FAM53A: variants seen among roughly 807,000 people sequenced by gnomAD.
The protein encoded by FAM53A is protein FAM53A.
FAM53A carries 28 observed loss-of-function variants against 26.6 expected under a neutral mutation model. The observed-to-expected ratio is 1.05, with a 90% confidence interval of 0.78 to 1.45. The LOEUF (loss-of-function observed/expected upper bound fraction) is 1.45, where lower values mean the gene tolerates loss of function less well. Ranked by LOEUF, FAM53A falls within the 40% of genes most tolerant of loss-of-function variation. The pLI is 0.00. For synonymous variants in FAM53A, 290 were observed against 253.1 expected (o/e 1.15, Z -1.38); for missense variants, 650 against 575.8 (o/e 1.13, Z -1.32).
chr4:1,601,410 C>A, the FAM53A span, among the ~76,000 whole-genome samples: 7,105 of 112,608 alleles, frequency 0.063, 1,992 homozygotes, highest in African/African-American at 0.16. Flanking sequence ...CAGGGCTGAG[C>A]AGTCAGGGCG....
the FAM53A span, among the ~76,000 whole-genome samples, chr4:1,591,646 A>G: frequency 6.6e-6 from 1 of 152,222 alleles, no homozygotes; most frequent in Non-Finnish European, 1.5e-5. Context: ...TTCTGAGCAC[A>G]TGGTCTGGCC....
At chr4:1,667,942 C>A (rs896903905) in intron 2 of FAM53A, among the ~76,000 whole-genome samples, 1 of 152,142 alleles carries the variant, frequency 6.6e-6, no homozygotes, top group Non-Finnish European at 1.5e-5. Flanking sequence ...ATCAAGCTGC[C>A]CGCAGGAAGC....
At chr4:1,612,842 C>T in the FAM53A span, among the ~76,000 whole-genome samples, 170 of 152,346 alleles carry the variant, frequency 1.1e-3, 1 homozygote, top group African/African-American at 3.9e-3. Flanking sequence ...TGATCACACA[C>T]GCATGTATAC....
chr4:1,611,378 C>T, the FAM53A span, among the ~76,000 whole-genome samples: 16 of 152,308 alleles, frequency 1.1e-4, no homozygotes, highest in African/African-American at 3.1e-4. Context: ...TCCTCCTGGC[C>T]TGTCCTGGAG....
exon 2 of FAM53A, chr4:1,617,956 G>A: frequency 2.3e-6 from 1 of 437,740 alleles, no homozygotes; most frequent in Non-Finnish European, 4.7e-6. Flanking sequence ...AGAAGTCGCT[G>A]CGATGGTGCC....
chr4:1,600,623 C>T, the FAM53A span, among the ~76,000 whole-genome samples: 1 of 152,226 alleles, frequency 6.6e-6, no homozygotes. Flanking sequence ...GGCTTGCCTC[C>T]CCTCTGCCCT....
At chr4:1,588,267 C>T in the FAM53A span, among the ~76,000 whole-genome samples, 1 of 152,182 alleles carries the variant, frequency 6.6e-6, no homozygotes, top group Non-Finnish European at 1.5e-5. Context: ...TCCCTCAGAA[C>T]ACTAGTGATG....
chr4:1,643,979 C>T (rs1194696174), intron 4 of FAM53A, among the ~76,000 whole-genome samples: 2 of 152,206 alleles, frequency 1.3e-5, no homozygotes, highest in Non-Finnish European at 2.9e-5. Context: ...ATCACTTGTC[C>T]GTACAAGCCC....
At chr4:1,627,189 G>A (rs1387716774) in intron 1 of FAM53A, among the ~76,000 whole-genome samples, 2 of 152,268 alleles carry the variant, frequency 1.3e-5, no homozygotes, top group Middle Eastern at 6.8e-3. Context: ...GGTCCCCACC[G>A]GCCCCAGCAC....
the FAM53A span, among the ~76,000 whole-genome samples, chr4:1,589,307 CA>C: frequency 6.6e-6 from 1 of 152,082 alleles, no homozygotes; most frequent in Non-Finnish European, 1.5e-5. Flanking sequence ...GATGTTGAAC[CA>C]TCTTTGCATT....
At chr4:1,594,029 G>A in the FAM53A span, among the ~76,000 whole-genome samples, 1 of 152,168 alleles carries the variant, frequency 6.6e-6, no homozygotes, top group Non-Finnish European at 1.5e-5. Flanking sequence ...GCCGCTGGGG[G>A]CAGCTCCCGG....
chr4:1,661,277 C>G (rs1283385302), intron 2 of FAM53A, among the ~76,000 whole-genome samples: 1 of 152,152 alleles, frequency 6.6e-6, no homozygotes, highest in African/African-American at 2.4e-5. Flanking sequence ...CCCCAGATGT[C>G]CATATGGCTC....
chr4:1,657,383 C>T (rs759678696), intron 3 of FAM53A, 25 bp downstream of exon 3: 12 of 1,608,150 alleles, frequency 7.5e-6, no homozygotes, highest in South Asian at 3.3e-5. Flanking sequence ...CTCAGGCCTC[C>T]GGCCACAGCT....
chr4:1,580,058 T>G, the FAM53A span: 11 of 152,378 alleles, frequency 7.2e-5, no homozygotes, highest in Admixed American at 7.2e-4. Flanking sequence ...AGAAGCTATT[T>G]GTGCTGGTGA....
At chr4:1,632,291 A>G (rs1266438961) in intron 1 of FAM53A, among the ~76,000 whole-genome samples, 1 of 152,154 alleles carries the variant, frequency 6.6e-6, no homozygotes. Context: ...GAGGAAGAAG[A>G]TGAGGACACA....
At chr4:1,676,804 A>C (rs569424284) in intron 1 of FAM53A, among the ~76,000 whole-genome samples, 1 of 152,244 alleles carries the variant, frequency 6.6e-6, no homozygotes, top group South Asian at 2.1e-4. Context: ...GGCCGTGTGA[A>C]CATTTTGTCA....
intron 4 of FAM53A, among the ~76,000 whole-genome samples, chr4:1,643,289 G>A (rs373931599): frequency 1.2e-3 from 184 of 151,946 alleles, no homozygotes; most frequent in South Asian, 0.012. Flanking sequence ...ACACGGTGAA[G>A]CCCCGTCTCT....
In FAM53A at chr4:1,680,212, G is replaced by A. The variant is rs867670941; in HGVS notation, c.-165+4021C>T. On this transcript the variant is annotated intron_variant, in intron 1 of 4. Coordinates refer to ENST00000308132, the MANE Select transcript of FAM53A (RefSeq NM_001174070.3). Reference sequence around the variant, plus strand: ...CACATGCCTGTAATCCCAGCTACTCGGGAGGCTGAGGCAGGAGAATCATTT... The same window carrying A: ...CACATGCCTGTAATCCCAGCTACTCAGGAGGCTGAGGCAGGAGAATCATTT... Among the ~76,000 whole-genome samples, 60 of 150,624 alleles carry A rather than the reference G, an allele frequency of 4.0e-4. 1 individual carries two copies. The highest frequency in any genetic ancestry group is 3.4e-3 in the Middle Eastern group (1 of 292).
the FAM53A span, among the ~76,000 whole-genome samples, chr4:1,587,481 G>A: frequency 6.6e-6 from 1 of 152,082 alleles, no homozygotes; most frequent in African/African-American, 2.4e-5. Context: ...AGATCAGCCC[G>A]ACCAACATGG....
Sources: allele counts gnomAD v4.1 joint callset (sites outside exome capture counted in the v4.1 genomes callset), GRCh38; gene constraint gnomAD v4.1.1; transcripts MANE v1.5; gene names NCBI Gene and HGNC (gene_info 2026-07-23, HGNC 2026-07-21).